PTPRE: variants seen among roughly 807,000 people sequenced by gnomAD.
PTPRE encodes protein tyrosine phosphatase receptor type E.
A neutral mutation model predicts 102.0 loss-of-function variants in PTPRE; 51 were observed. The observed-to-expected ratio is 0.50, with a 90% CI of 0.40 to 0.63. The LOEUF is 0.63. Among genes scored for constraint, PTPRE ranks in the 30% least tolerant of loss-of-function variants. The pLI is 0.00. For synonymous variants in PTPRE, 345 were observed against 348.2 expected (o/e 0.99, Z 0.10); for missense variants, 752 against 915.1 (o/e 0.82, Z 2.30).
At chr10:128,052,795 C>A (rs1848654773) in intron 6 of PTPRE, among the ~76,000 whole-genome samples, 1 of 152,176 alleles carries the variant, frequency 6.6e-6, no homozygotes, top group South Asian at 2.1e-4. Flanking sequence ...CGCAAAGCTT[C>A]CAGCACAACA....
chr10:127,923,274 G>A lies in PTPRE; in HGVS notation c.-31+15965G>A, dbSNP rs571988411. 2.0e-5 allele frequency among the ~76,000 whole-genome samples: 3 copies of A among 152,348 alleles called. No individual in the cohort carries two copies. In the South Asian group the frequency reaches 6.2e-4, roughly 32 times the overall value. ...GGCAGGCTTCCCAGAAGCAGACAGAGTGTGGGGACACCCTGACCTGGCCCC... is the reference window on the plus strand; with the variant it reads ...GGCAGGCTTCCCAGAAGCAGACAGAATGTGGGGACACCCTGACCTGGCCCC... On this transcript the variant is annotated intron_variant, in intron 1 of 20. Transcript: ENST00000254667.
intron 2 of PTPRE, among the ~76,000 whole-genome samples, chr10:128,012,325 G>T (rs574565027): frequency 6.6e-6 from 1 of 152,186 alleles, no homozygotes; most frequent in Non-Finnish European, 1.5e-5. Flanking sequence ...TGACCTTGTG[G>T]TCACTCAAGA....
intron 1 of PTPRE, among the ~76,000 whole-genome samples, chr10:127,931,437 C>T (rs551570537): frequency 3.3e-5 from 5 of 152,320 alleles, no homozygotes; most frequent in African/African-American, 7.2e-5. Flanking sequence ...TGCCTTTTCT[C>T]GTGACACGTC....
chr10:127,996,317 G>A lies in PTPRE; in HGVS notation c.-8+14021G>A, dbSNP rs115212372. On this transcript the variant is annotated intron_variant, in intron 2 of 20. Transcript: ENST00000254667. ...CAAGGAAGATCTCGAAAGCTGGCCC[G>A]TCAAAATCGCTTTCCACCATAGAAA... Among the ~76,000 whole-genome samples the A allele has an allele frequency of 3.4e-3, 516 of 152,326 alleles. 7 individuals carry two copies. Among genetic ancestry groups the A allele is most frequent in the African/African-American group, 0.011 (476 of 41,580 alleles).
chr10:128,047,985 AT>A, intron 5 of PTPRE, 148 bp downstream of exon 5: 1 of 774,462 alleles, frequency 1.3e-6, no homozygotes, highest in Non-Finnish European at 2.0e-6. Context: ...TGATGCTGTC[AT>A]TTAGAATTTC....
At chr10:128,056,709 C>T (rs1243259125) in intron 7 of PTPRE, among the ~76,000 whole-genome samples, 1 of 152,138 alleles carries the variant, frequency 6.6e-6, no homozygotes, top group Admixed American at 6.6e-5. Flanking sequence ...TGTAGGAAGG[C>T]TCTGAATCGA....
In PTPRE at chr10:128,070,303, G is replaced by A. The variant is rs1205703135; in HGVS notation, c.1146G>A (p.Met382Ile). ...NQRPQMVQTD[M>I]QYTFIYQALL... ...GGGCACCCCTGGCCTCTCTGCAGATGCAGTACACGTTCATCTACCAAGCCT... is the reference window on the plus strand; with the variant it reads ...GGGCACCCCTGGCCTCTCTGCAGATACAGTACACGTTCATCTACCAAGCCT... The change falls in exon 14 of 21, where the codon ATG (methionine) becomes ATA (isoleucine). Residue 382 changes from methionine to isoleucine, a missense_variant and splice_region_variant. Coordinates refer to ENST00000254667, the MANE Select transcript of PTPRE (RefSeq NM_006504.6). This position sits in a 1 kb window ranked among gnomAD's most constrained non-coding sequence, Gnocchi z 4.8. 6.2e-7 allele frequency: 1 copy of A among 1,608,132 alleles called. No individual in the cohort carries two copies. The highest frequency in any genetic ancestry group is 1.3e-5 in the African/African-American group (1 of 74,894).
intron 2 of PTPRE, chr10:127,998,274 C>T (rs1028500092): frequency 5.3e-5 from 8 of 152,184 alleles, no homozygotes; most frequent in African/African-American, 1.9e-4. Context: ...TTAACGTCAT[C>T]ATCGAAGTCA....
In PTPRE at chr10:128,070,293, C is replaced by T; in HGVS notation, c.1144-8C>T. 6.2e-7 allele frequency: 1 copy of T among 1,601,636 alleles called. No homozygotes were observed. Among genetic ancestry groups the T allele is most frequent in the Non-Finnish European group, 8.5e-7 (1 of 1,173,160 alleles). On this transcript the variant is annotated splice_polypyrimidine_tract_variant and splice_region_variant and intron_variant, in intron 13 of 20. Transcript: ENST00000254667. The surrounding 1 kb of genome is among the most constrained non-coding windows in gnomAD (Gnocchi z 4.8). ...TTGAGGGTGTGGGCACCCCTGGCCT[C>T]TCTGCAGATGCAGTACACGTTCATC...
chr10:128,069,509 G>C (rs980507110), intron 12 of PTPRE, 183 bp from the exon 13 acceptor site: 1 of 721,920 alleles, frequency 1.4e-6, no homozygotes, highest in African/African-American at 1.8e-5. Flanking sequence ...CAGAGGACCG[G>C]CCTGAGATCA....
chr10:127,922,758 G>T (rs1478645225), intron 1 of PTPRE, among the ~76,000 whole-genome samples: 1 of 152,234 alleles, frequency 6.6e-6, no homozygotes, highest in African/African-American at 2.4e-5. Flanking sequence ...AAGGTGGGTG[G>T]GCTGAGAGCC....
intron 3 of PTPRE, among the ~76,000 whole-genome samples, chr10:128,045,385 G>T (rs895094464): frequency 6.6e-6 from 1 of 152,218 alleles, no homozygotes; most frequent in Non-Finnish European, 1.5e-5. Flanking sequence ...CCCATGAGTT[G>T]GCTTGGACTA....
At chr10:128,013,803 G>C (rs1845203774) in intron 2 of PTPRE, among the ~76,000 whole-genome samples, 1 of 152,202 alleles carries the variant, frequency 6.6e-6, no homozygotes, top group African/African-American at 2.4e-5. Context: ...GAACTGTGAG[G>C]AGCTTCTGTT....
In PTPRE at chr10:127,907,114, C is replaced by A; in HGVS notation, c.-226C>A. On this transcript the variant is annotated 5_prime_UTR_variant, in exon 1 of 21. The change creates a new upstream start codon in the 5' untranslated region. Transcript: ENST00000254667. This position sits in a 1 kb window ranked among gnomAD's most constrained non-coding sequence, Gnocchi z 4.8. ...GGACGCGGCCGGCCGGACAAATTTC[C>A]TGCTAGGCTGCGGACAGCGGGCGGC... The A allele has an allele frequency of 3.7e-6, 1 of 272,512 alleles. No individual in the cohort carries two copies. Among genetic ancestry groups the A allele is most frequent in the Non-Finnish European group, 5.6e-6 (1 of 178,774 alleles). The allele number at this position is 272,512 out of a possible 1,614,324, so 16.9% of individuals were successfully genotyped here.
intron 19 of PTPRE, 93 bp downstream of exon 19, chr10:128,077,876 C>T (rs1198623984): frequency 2.1e-6 from 3 of 1,419,130 alleles, no homozygotes; most frequent in African/African-American, 2.9e-5. Flanking sequence ...CTGGTCGCTG[C>T]CCCTGGCCAT....
chr10:128,040,905 G>C lies in PTPRE; in HGVS notation c.24G>C (p.Leu8=). The stretch of plus-strand genomic sequence containing the variant: ...CCATGGAGCCCTTGTGTCCACTCCT[G>C]CTGGTGGGTTTTAGCTTGCCGCTCG... The part of the protein sequence containing the change: MEPLCPL[L]LVGFSLPLAR... Residue 8 remains leucine (L), a synonymous_variant, in exon 3 of 21, where the codon CTG becomes CTC. Coordinates refer to ENST00000254667, the MANE Select transcript of PTPRE (RefSeq NM_006504.6). The C allele has an allele frequency of 3.1e-6, 5 of 1,614,064 alleles. No individual in the cohort carries two copies. Among genetic ancestry groups the C allele is most frequent in the Non-Finnish European group, 4.2e-6 (5 of 1,180,002 alleles).
Position 128,079,636 on chromosome 10 carries a change from G to T in PTPRE, c.1969G>T (p.Asp657Tyr). Residue 657 changes from aspartate (D) to tyrosine (Y), a missense_variant, in exon 20 of 21, where the codon GAT becomes TAT. Physicochemically the swap from Asp to Tyr is radical, Grantham distance 160. Transcript: ENST00000254667. ...LERVKAEGLL[D>Y]VFQAVKSLRL... ...GCGAGTAAAAGCCGAGGGACTTTTAGATGTATTTCAAGCTGTGAAGAGTTT... is the reference window on the plus strand; with the variant it reads ...GCGAGTAAAAGCCGAGGGACTTTTATATGTATTTCAAGCTGTGAAGAGTTT... 6.2e-7 allele frequency: 1 copy of T among 1,614,072 alleles called. No homozygotes were observed. The highest frequency in any genetic ancestry group is 1.7e-5 in the Admixed American group (1 of 60,018).
intron 2 of PTPRE, among the ~76,000 whole-genome samples, chr10:128,021,249 A>C (rs1845857177): frequency 6.6e-6 from 1 of 152,028 alleles, no homozygotes; most frequent in Non-Finnish European, 1.5e-5. Flanking sequence ...ATAATTTTGC[A>C]CATCAGGCTA....
At chr10:127,916,635 G>A (rs541631153) in intron 1 of PTPRE, among the ~76,000 whole-genome samples, 82 of 152,292 alleles carry the variant, frequency 5.4e-4, no homozygotes, top group African/African-American at 1.9e-3. Context: ...CTGGCAGTAG[G>A]AAGCGGTGTG....
Sources: gnomAD v4.1 joint callset for allele counts (sites outside exome capture counted in the v4.1 genomes callset) on GRCh38, gnomAD v4.1.1 for gene constraint, Gnocchi (gnomAD v3.1) non-coding constraint, MANE v1.5 for transcripts, NCBI Gene and HGNC (gene_info 2026-07-23, HGNC 2026-07-21) for gene names.